The following RAD52 variants were observed in gnomAD, a reference collection of about 807,000 sequenced individuals.
The protein encoded by RAD52 is DNA repair protein RAD52 homolog.
RAD52 carries 47 observed loss-of-function variants against 55.5 expected under a neutral mutation model. That is an observed-to-expected ratio of 0.85 (90% CI 0.67 to 1.08). The LOEUF (loss-of-function observed/expected upper bound fraction) is 1.08. Ranked by LOEUF, RAD52 falls within the 50% of genes least tolerant of loss-of-function variation. The pLI is 0.00. For missense variants in RAD52, 468 were observed against 522.8 expected (o/e 0.90, Z 1.02); for synonymous variants, 184 against 198.9 (o/e 0.92, Z 0.63).
At chr12:962,569 G>A (rs1417110230) in intron 1 of RAD52, among the ~76,000 whole-genome samples, 2 of 151,208 alleles carry the variant, frequency 1.3e-5, no homozygotes, top group Admixed American at 6.6e-5. Flanking sequence ...GGATGGTCTC[G>A]ATCTCCTGAC....
At chr12:925,196 T>C (rs1362379765) in intron 7 of RAD52, among the ~76,000 whole-genome samples, 1 of 151,926 alleles carries the variant, frequency 6.6e-6, no homozygotes, top group African/African-American at 2.4e-5. Context: ...GTGATCCACC[T>C]GCCTCCACCT....
At chr12:982,695 TTGTTC>T (rs1332899814) in intron 1 of RAD52, among the ~76,000 whole-genome samples, 4 of 133,084 alleles carry the variant, frequency 3.0e-5, no homozygotes, top group Non-Finnish European at 6.4e-5. Context: ...GGACAGGGTC[TTGTTC>T]TGTCACATAG....
At chr12:914,386 A>G (rs769923619) in intron 10 of RAD52, 45 bp downstream of exon 10, 3 of 1,606,990 alleles carry the variant, frequency 1.9e-6, no homozygotes, top group Non-Finnish European at 2.5e-6. Context: ...TGTGGCTACT[A>G]GAAACATACA....
chr12:952,941 G>A (rs1958551158), upstream of RAD52, among the ~76,000 whole-genome samples: 1 of 42,142 alleles, frequency 2.4e-5, no homozygotes, highest in African/African-American at 9.6e-5. Flanking sequence ...GGGGAGGGGA[G>A]GGGAGGGGAA....
chr12:941,394 C>T (rs1957912051), intron 1 of RAD52, among the ~76,000 whole-genome samples: 2 of 151,906 alleles, frequency 1.3e-5, no homozygotes, highest in Non-Finnish European at 2.9e-5. Context: ...TCTCGGCTCA[C>T]TGCAACCTCT....
intron 1 of RAD52, among the ~76,000 whole-genome samples, chr12:936,306 A>C (rs1217295560): frequency 1.3e-5 from 2 of 152,040 alleles, no homozygotes; most frequent in East Asian, 3.9e-4. Context: ...TCTTTCTCAA[A>C]AAACAAAACA....
chr12:913,918 A>G lies in RAD52; in HGVS notation c.1171T>C (p.Tyr391His). 6.2e-7 allele frequency: 1 copy of G among 1,614,144 alleles called. No individual in the cohort carries two copies. The highest frequency in any genetic ancestry group is 1.1e-5 in the South Asian group (1 of 91,084). Reference protein sequence around the residue: ...AKSGSWDLQTYSADQRTTGNW... With the variant: ...AKSGSWDLQTHSADQRTTGNW... Reference sequence around the variant, plus strand: ...CCTGTTGTGCGTTGGTCAGCGCTATAAGTTTGGAGGTCCCAAGATCCAGAT... The same window carrying G: ...CCTGTTGTGCGTTGGTCAGCGCTATGAGTTTGGAGGTCCCAAGATCCAGAT... The change falls in exon 11 of 12, where the codon TAT (tyrosine) becomes CAT (histidine). Residue 391 changes from tyrosine (Y) to histidine (H), a missense_variant. Physicochemically the swap from Tyr to His is moderately conservative, Grantham distance 83. Coordinates refer to ENST00000358495, the MANE Select transcript of RAD52 (RefSeq NM_134424.4).
rs371491940 is a variant in RAD52 at position 962,348 on chromosome 12, T to C, written c.-19+27461A>G. ...CATCTGCCACGCTTTCTTTCCTTTTTTTTTTTTTTTGAGACGGAGTCTTGC... is the reference window on the plus strand; with the variant it reads ...CATCTGCCACGCTTTCTTTCCTTTTCTTTTTTTTTTGAGACGGAGTCTTGC... On this transcript the variant is annotated intron_variant, in intron 1 of 11. Coordinates refer to the RAD52 transcript ENST00000430095. 4.6e-4 allele frequency among the ~76,000 whole-genome samples: 70 copies of C among 151,418 alleles called. 1 individual carries two copies. The highest frequency in any genetic ancestry group is 1.7e-3 in the African/African-American group (69 of 41,392).
At chr12:926,807 G>A (rs1289968919) in intron 6 of RAD52, 42 of 1,536,604 alleles carry the variant, frequency 2.7e-5, no homozygotes, top group African/African-American at 5.5e-5. Context: ...TGTGCGTAGC[G>A]GAGGACTGCT....
Position 912,203 on chromosome 12 carries a change from TTC to T in RAD52, c.*1186_*1187del. The T allele has an allele frequency of 5.1e-6, 1 of 195,530 alleles. No individual in the cohort carries two copies. The highest frequency in any genetic ancestry group is 1.1e-5 in the Non-Finnish European group (1 of 93,858). 12.1% of individuals were successfully genotyped at this position (195,530 alleles called of 1,614,324 possible). On this transcript the variant is annotated 3_prime_UTR_variant, in exon 12 of 12. Coordinates refer to ENST00000358495, the MANE Select transcript of RAD52 (RefSeq NM_134424.4). ...TTGAAATGCTCTGAGATCAGAAAATTTCTGAGCACTGACGTGATGCCAGAAGT... is the reference window on the plus strand; with the variant it reads ...TTGAAATGCTCTGAGATCAGAAAATTTGAGCACTGACGTGATGCCAGAAGT...
intron 1 of RAD52, among the ~76,000 whole-genome samples, chr12:968,637 A>C (rs569501643): frequency 6.6e-6 from 1 of 152,212 alleles, no homozygotes; most frequent in South Asian, 2.1e-4. Flanking sequence ...GGCTAACCTA[A>C]AGCTCAAAAG....
At chr12:928,220 GA>G (rs762445390) in intron 5 of RAD52, among the ~76,000 whole-genome samples, 1 of 152,084 alleles carries the variant, frequency 6.6e-6, no homozygotes, top group Non-Finnish European at 1.5e-5. Context: ...GTTCATTCAA[GA>G]AATAAGTAGG....
chr12:925,354 C>A, intron 7 of RAD52, 96 bp downstream of exon 7: 1 of 1,022,088 alleles, frequency 9.8e-7, no homozygotes, highest in South Asian at 1.3e-5. Flanking sequence ...AGAGCTGAGT[C>A]CTCACTTTTT....
upstream of RAD52, among the ~76,000 whole-genome samples, chr12:990,866 G>A (rs1053180226): frequency 1.3e-5 from 2 of 151,992 alleles, no homozygotes; most frequent in East Asian, 1.9e-4. Flanking sequence ...CGGCAAGCAG[G>A]AGGAGACAAG....
At chr12:990,950 T>A (rs148536385), upstream of RAD52, 97 of 39,440 alleles carry the variant, frequency 2.5e-3, no homozygotes, top group African/African-American at 5.1e-3. Flanking sequence ...TGTGTGTGTG[T>A]GAGTGTGTGT....
chr12:924,401 C>T (rs979949305), intron 7 of RAD52, among the ~76,000 whole-genome samples: 1 of 152,098 alleles, frequency 6.6e-6, no homozygotes, highest in African/African-American at 2.4e-5. Context: ...CAGAGCGAGA[C>T]TCCGTCTCAA....
chr12:945,547 C>G (rs1203061265), intron 1 of RAD52, among the ~76,000 whole-genome samples: 3 of 151,014 alleles, frequency 2.0e-5, no homozygotes, highest in African/African-American at 2.4e-5. Flanking sequence ...GATTCTGGTG[C>G]CTCAGCCTCC....
intron 1 of RAD52, among the ~76,000 whole-genome samples, chr12:963,392 G>A (rs371207866): frequency 6.6e-6 from 1 of 152,088 alleles, no homozygotes; most frequent in African/African-American, 2.4e-5. Context: ...ACAAGTTCCC[G>A]GCTTGGAGCT....
chr12:963,800 G>A (rs1349864701), intron 1 of RAD52, among the ~76,000 whole-genome samples: 4 of 151,650 alleles, frequency 2.6e-5, no homozygotes, highest in Non-Finnish European at 1.5e-5. Context: ...GATGTTCTAC[G>A]TAAGCAATAA....
Sources: gnomAD v4.1 joint callset for allele counts (sites outside exome capture counted in the v4.1 genomes callset) on GRCh38, gnomAD v4.1.1 for gene constraint, MANE v1.5 for transcripts, NCBI Gene and HGNC (gene_info 2026-07-23, HGNC 2026-07-21) for gene names.